Variants in FARP2 observed in about 807,000 individuals in gnomAD.
FARP2 encodes the protein FERM, ARHGEF and pleckstrin domain-containing protein 2.
FARP2 carries 111 observed loss-of-function variants against 130.5 expected under a neutral mutation model. The ratio of observed to expected loss-of-function variants is 0.85; its 90% CI spans 0.73 to 1.00. The LOEUF is 1.00. FARP2 is among the 50% of genes least tolerant of loss of function. The pLI is 0.00. For missense variants in FARP2, 1,385 were observed against 1,346.3 expected, an observed-to-expected ratio of 1.03 and a Z score of -0.45; for synonymous variants, 504 against 516.9, an observed-to-expected ratio of 0.98 and a Z score of 0.34.
chr2:241,381,179 AC>A (rs1207175532), intron 2 of FARP2, among the ~76,000 whole-genome samples: 1 of 151,914 alleles, frequency 6.6e-6, no homozygotes, highest in Non-Finnish European at 1.5e-5. Flanking sequence ...TGGGCCCTGT[AC>A]CTGGCCTGTT....
chr2:241,400,252 A>G (rs988330127), intron 2 of FARP2, among the ~76,000 whole-genome samples: 35 of 152,120 alleles, frequency 2.3e-4, no homozygotes, highest in Non-Finnish European at 5.9e-5. Context: ...AGAGAATTTC[A>G]TATTCTCTGT....
At chr2:241,364,835 T>C (rs1283585370) in intron 1 of FARP2, among the ~76,000 whole-genome samples, 1 of 152,236 alleles carries the variant, frequency 6.6e-6, no homozygotes, top group East Asian at 1.9e-4. Flanking sequence ...TCTTTTCTGC[T>C]CTACATCCTG....
chr2:241,368,867 A>C (rs1236033267), intron 1 of FARP2, among the ~76,000 whole-genome samples: 1 of 152,174 alleles, frequency 6.6e-6, no homozygotes, highest in African/African-American at 2.4e-5. Flanking sequence ...AGTCTTAAAT[A>C]TAAGTCTTAG....
intron 8 of FARP2, among the ~76,000 whole-genome samples, chr2:241,422,923 G>A (rs1279692604): frequency 6.6e-6 from 1 of 152,134 alleles, no homozygotes; most frequent in Non-Finnish European, 1.5e-5. Context: ...AGAAAAGAAT[G>A]AAAAGGAATG....
intron 7 of FARP2, among the ~76,000 whole-genome samples, chr2:241,417,129 G>A (rs1318488268): frequency 1.3e-5 from 2 of 151,836 alleles, no homozygotes; most frequent in East Asian, 2.0e-4. Context: ...GGCAAACCCC[G>A]TCTCTACTAA....
At position 241,449,116 on chromosome 2, in the gene FARP2, T is replaced by A. The variant is rs574369455; in HGVS notation, c.1411+7560T>A. On this transcript the variant is annotated intron_variant, in intron 13 of 26. Coordinates refer to ENST00000264042, the MANE Select transcript of FARP2 (RefSeq NM_014808.4). Reference sequence around the variant, plus strand: ...TTTCGGCTAACTCATCAGGTTCACATTTACTTGGATCCCTTGGATAGTTCC... The same window carrying A: ...TTTCGGCTAACTCATCAGGTTCACAATTACTTGGATCCCTTGGATAGTTCC... 5.9e-5 allele frequency among the ~76,000 whole-genome samples: 9 copies of A among 152,322 alleles called. No individual in the cohort carries two copies. The East Asian group carries it at 1.7e-3, about 29-fold the overall frequency.
In FARP2 at chr2:241,418,950, G is replaced by A. The variant is rs144252095; in HGVS notation, c.771+841G>A. Among the ~76,000 whole-genome samples, 14 of 152,138 alleles carry A rather than the reference G, an allele frequency of 9.2e-5. No individual in the cohort carries two copies. The East Asian group carries it at 1.9e-3, about 21-fold the overall frequency. ...AAATTTTGCACCTCTGATAGACTAC[G>A]GTAATCCTGAAAAGGTCTCCTCAAT... On this transcript the variant is annotated intron_variant, in intron 8 of 26. Coordinates refer to ENST00000264042, the MANE Select transcript of FARP2 (RefSeq NM_014808.4).
At chr2:241,488,307 T>C (rs2064806866) in intron 21 of FARP2, 1 of 152,200 alleles carries the variant, frequency 6.6e-6, no homozygotes, top group African/African-American at 2.4e-5. Flanking sequence ...CTATCCTTAG[T>C]ATGGGCTCAG....
At chr2:241,405,870 G>A (rs962403652) in intron 4 of FARP2, among the ~76,000 whole-genome samples, 29 of 151,712 alleles carry the variant, frequency 1.9e-4, no homozygotes, top group African/African-American at 7.0e-4. Context: ...GAAGGCGGAG[G>A]TTGCAGTGAG....
chr2:241,404,923 T>A, intron 4 of FARP2, 82 bp downstream of exon 4: 1 of 1,009,046 alleles, frequency 9.9e-7, no homozygotes, highest in South Asian at 1.3e-5. Flanking sequence ...GTTCAACTGT[T>A]CATTCTCACC....
chr2:241,371,580 G>A (rs942317710), intron 1 of FARP2, among the ~76,000 whole-genome samples: 5 of 152,198 alleles, frequency 3.3e-5, no homozygotes, highest in South Asian at 4.1e-4. Flanking sequence ...TTAAGTTGTC[G>A]TGCAAGGGGA....
At chr2:241,383,612 G>A (rs2061712593) in intron 2 of FARP2, among the ~76,000 whole-genome samples, 1 of 152,202 alleles carries the variant, frequency 6.6e-6, no homozygotes, top group Non-Finnish European at 1.5e-5. Context: ...GACAAGAGGG[G>A]AGCCTTTGGG....
rs1453346592 is a variant in FARP2 at position 241,398,066 on chromosome 2, C to T, written c.184-5762C>T. Among the ~76,000 whole-genome samples the T allele has an allele frequency of 2.0e-5, 3 of 152,018 alleles. 1 individual carries two copies. In the East Asian group the frequency reaches 5.8e-4, roughly 29 times the overall value. On this transcript the variant is annotated intron_variant, in intron 2 of 26. Coordinates refer to ENST00000264042, the MANE Select transcript of FARP2 (RefSeq NM_014808.4). ...CAGGATGGTCTCGATCTCCTGACCT[C>T]GTGATCCGCCCGCCTCGGCCTCCCA... is the stretch of plus-strand genomic sequence containing the variant.
In FARP2 at chr2:241,368,198, C is replaced by G. The variant is rs2061354156; in HGVS notation, c.-24-4886C>G. On this transcript the variant is annotated intron_variant, in intron 1 of 26. Coordinates refer to ENST00000264042, the MANE Select transcript of FARP2 (RefSeq NM_014808.4). Reference sequence around the variant, plus strand: ...TAGGCAGGACCAAATGTCAGTAGTGCAAATTGTATCGGCCACCAGAAATGT... The same window carrying G: ...TAGGCAGGACCAAATGTCAGTAGTGGAAATTGTATCGGCCACCAGAAATGT... Among the ~76,000 whole-genome samples, 2 of 152,112 alleles carry G rather than the reference C, an allele frequency of 1.3e-5. 1 individual carries two copies. The highest frequency in any genetic ancestry group is 1.3e-4 in the Admixed American group (2 of 15,278).
At chr2:241,367,025 C>A (rs1293398568) in intron 1 of FARP2, among the ~76,000 whole-genome samples, 2 of 152,070 alleles carry the variant, frequency 1.3e-5, no homozygotes, top group Non-Finnish European at 2.9e-5. Flanking sequence ...AAGCGCTCTT[C>A]CATCAGCAGA....
chr2:241,390,777 G>T (rs1532788), intron 2 of FARP2, among the ~76,000 whole-genome samples: 118,265 of 152,046 alleles, frequency 0.78, 46,176 homozygotes, highest in Middle Eastern at 0.85. Context: ...TGGTATACCA[G>T]GTTTACTCAT....
chr2:241,461,436 C>T (rs376318053), intron 14 of FARP2, among the ~76,000 whole-genome samples: 44 of 152,192 alleles, frequency 2.9e-4, no homozygotes, highest in African/African-American at 1.0e-3. Flanking sequence ...CCTGCTTCCC[C>T]ACCAATAGCC....
intron 13 of FARP2, chr2:241,456,360 TAGAA>T (rs1442086528): frequency 6.1e-6 from 1 of 164,400 alleles, no homozygotes; most frequent in African/African-American, 2.4e-5. Flanking sequence ...GCAATGCACA[TAGAA>T]AGTGTTCCCC....
At chr2:241,428,294 G>A (rs10171117) in intron 8 of FARP2, among the ~76,000 whole-genome samples, 28,541 of 148,226 alleles carry the variant, frequency 0.19, 3,063 homozygotes, top group Middle Eastern at 0.33. Context: ...GAGTACAGTG[G>A]CGCAGTCTCT....
Sources: gnomAD v4.1 joint callset for allele counts (sites outside exome capture counted in the v4.1 genomes callset) on GRCh38, gnomAD v4.1.1 for gene constraint, MANE v1.5 for transcripts, NCBI Gene and HGNC (gene_info 2026-07-23, HGNC 2026-07-21) for gene names.